The following RYR3 variants were observed in gnomAD, a reference collection of about 807,000 sequenced individuals.
The protein encoded by RYR3 is brain ryanodine receptor-calcium release channel.
In RYR3, 207 loss-of-function variants were observed where a neutral mutation model predicts 584.3. The observed-to-expected ratio is 0.35, with a 90% confidence interval of 0.32 to 0.40. The LOEUF is 0.40. Ranked by LOEUF, RYR3 falls within the 10% of genes least tolerant of loss-of-function variation. The pLI is 1.00. For missense variants in RYR3, 5,616 were observed against 6,089.2 expected, an observed-to-expected ratio of 0.92 and a Z score of 2.59; for synonymous variants, 2,416 against 2,248.5, an observed-to-expected ratio of 1.07 and a Z score of -2.11.
intron 1 of RYR3, among the ~76,000 whole-genome samples, chr15:33,428,393 G>A (rs2141693894): frequency 6.6e-6 from 1 of 152,320 alleles, no homozygotes; most frequent in South Asian, 2.1e-4. Flanking sequence ...TTGTGTGCAG[G>A]TAGATATTAA....
chr15:33,442,905 G>A (rs2046346931), intron 1 of RYR3, among the ~76,000 whole-genome samples: 1 of 152,178 alleles, frequency 6.6e-6, no homozygotes, highest in Non-Finnish European at 1.5e-5. Context: ...TGTTCTAATT[G>A]TCCTGATAAT....
intron 18 of RYR3, among the ~76,000 whole-genome samples, chr15:33,612,777 G>A (rs763976051): frequency 2.0e-4 from 30 of 152,264 alleles, no homozygotes; most frequent in Middle Eastern, 6.8e-3. Context: ...AGGTCTTTGG[G>A]CACTTACAAC....
chr15:33,712,588 A>G (rs2067201406), intron 43 of RYR3, among the ~76,000 whole-genome samples: 1 of 152,186 alleles, frequency 6.6e-6, no homozygotes, highest in Admixed American at 6.5e-5. Flanking sequence ...AACTAAGTAG[A>G]TTTGCAGTCC....
intron 1 of RYR3, among the ~76,000 whole-genome samples, chr15:33,350,792 C>T (rs1973139142): frequency 6.6e-6 from 1 of 151,330 alleles, no homozygotes. Context: ...GCACTAAATG[C>T]CCACAAGAGA....
At chr15:33,758,936 C>T (rs1395235184) in intron 60 of RYR3, among the ~76,000 whole-genome samples, 5 of 152,214 alleles carry the variant, frequency 3.3e-5, no homozygotes, top group East Asian at 3.9e-4. Flanking sequence ...GACAAAGCTT[C>T]CAGAGGAAGG....
intron 3 of RYR3, among the ~76,000 whole-genome samples, chr15:33,508,537 C>T (rs2052677076): frequency 1.3e-5 from 2 of 152,058 alleles, no homozygotes; most frequent in Admixed American, 1.3e-4. Flanking sequence ...GTAGTCCCAG[C>T]GACTCGGGAG....
In RYR3 at chr15:33,838,337, T is replaced by C. The variant is rs1349169872; in HGVS notation, c.12357T>C (p.Asp4119=). The change falls in exon 89 of 104, where the codon GAT becomes GAC. Residue 4119 remains aspartate, a synonymous_variant. Coordinates refer to ENST00000634891, the MANE Select transcript of RYR3 (RefSeq NM_001036.6). ...DRPEEEEEDE[D]SSYVLEIAGE... ...CAGAAGAGGAGGAAGAAGATGAAGA[T>C]TCTTCTTACGTGTTAGAAATTGCGG... is the stretch of plus-strand genomic sequence containing the variant. 4 of 1,614,014 alleles carry C rather than the reference T, an allele frequency of 2.5e-6. No homozygotes were observed. The African/African-American group carries it at 4.0e-5, about 16-fold the overall frequency.
intron 8 of RYR3, among the ~76,000 whole-genome samples, chr15:33,547,884 T>C (rs1047044367): frequency 1.1e-4 from 17 of 152,224 alleles, no homozygotes; most frequent in African/African-American, 3.6e-4. Flanking sequence ...CTTGTATACC[T>C]GATGATGCAT....
chr15:33,342,627 A>G (rs1373609944), intron 1 of RYR3, among the ~76,000 whole-genome samples: 1 of 152,186 alleles, frequency 6.6e-6, no homozygotes, highest in African/African-American at 2.4e-5. Flanking sequence ...TTATAATTAA[A>G]GCCAATTTGT....
At chr15:33,500,130 C>T (rs1372717679) in intron 2 of RYR3, among the ~76,000 whole-genome samples, 1 of 152,178 alleles carries the variant, frequency 6.6e-6, no homozygotes, top group Non-Finnish European at 1.5e-5. Flanking sequence ...GAATAAGGCA[C>T]AGATTCTTTC....
intron 81 of RYR3, 72 bp downstream of exon 81, chr15:33,823,144 G>C (rs1230895639): frequency 1.2e-5 from 15 of 1,262,500 alleles, no homozygotes; most frequent in African/African-American, 4.5e-5. Context: ...GGGAAGGGGA[G>C]CACAAAATAT....
At chr15:33,552,036 G>A (rs1230507379) in intron 10 of RYR3, among the ~76,000 whole-genome samples, 1 of 152,146 alleles carries the variant, frequency 6.6e-6, no homozygotes, top group Non-Finnish European at 1.5e-5. Context: ...TTCCTTATTT[G>A]AGCCTTCTAC....
At chr15:33,682,512 C>G (rs2064700000) in intron 38 of RYR3, among the ~76,000 whole-genome samples, 3 of 151,916 alleles carry the variant, frequency 2.0e-5, no homozygotes, top group Non-Finnish European at 4.4e-5. Flanking sequence ...TGTGACTACC[C>G]CTAATTACGC....
At chr15:33,845,162 A>C in intron 93 of RYR3, 100 bp downstream of exon 93, 1 of 1,227,940 alleles carries the variant, frequency 8.1e-7, no homozygotes, top group Non-Finnish European at 1.2e-6. Context: ...GCTAGCCGTA[A>C]AGGCCTTCGT....
intron 88 of RYR3, 144 bp downstream of exon 88, chr15:33,837,131 A>T: frequency 1.6e-6 from 1 of 634,086 alleles, no homozygotes; most frequent in Non-Finnish European, 2.8e-6. Context: ...GAAACGAAAA[A>T]TAAAATGAGG....
intron 5 of RYR3, among the ~76,000 whole-genome samples, chr15:33,535,944 G>A (rs1008161563): frequency 2.0e-5 from 3 of 152,152 alleles, no homozygotes; most frequent in Non-Finnish European, 4.4e-5. Flanking sequence ...AAAACCTAGA[G>A]CCTAAACTAA....
intron 90 of RYR3, 109 bp from the exon 91 acceptor site, chr15:33,841,755 A>G: frequency 8.9e-7 from 1 of 1,123,622 alleles, no homozygotes; most frequent in Non-Finnish European, 1.2e-6. Context: ...TCAAGGAATG[A>G]TTCTACCTCC....
chr15:33,444,100 T>C (rs560523011), intron 1 of RYR3, among the ~76,000 whole-genome samples: 2 of 152,314 alleles, frequency 1.3e-5, no homozygotes, highest in Admixed American at 1.3e-4. Flanking sequence ...GAAAACTAAA[T>C]TGAGACCCAT....
intron 102 of RYR3, among the ~76,000 whole-genome samples, chr15:33,863,212 G>C (rs965613787): frequency 6.6e-6 from 1 of 152,180 alleles, no homozygotes; most frequent in Non-Finnish European, 1.5e-5. Flanking sequence ...ACCTAAAATG[G>C]TGCTTTGTTA....
Sources: gnomAD v4.1 joint callset for allele counts (sites outside exome capture counted in the v4.1 genomes callset) on GRCh38, gnomAD v4.1.1 for gene constraint, MANE v1.5 for transcripts, NCBI Gene and HGNC (gene_info 2026-07-23, HGNC 2026-07-21) for gene names.